Variants in REDIC1 observed in about 807,000 individuals in gnomAD.
REDIC1 encodes HEI10 Interacting Protein 1.
At chr12:39,653,484 A>G in the REDIC1 span, among the ~76,000 whole-genome samples, 1 of 100,106 alleles carries the variant, frequency 1.0e-5, no homozygotes, top group South Asian at 3.3e-4. Flanking sequence ...TCTCTTTTCA[A>G]TCTGGATGTC....
the REDIC1 span, among the ~76,000 whole-genome samples, chr12:39,837,663 A>G: frequency 3.3e-5 from 5 of 151,766 alleles, no homozygotes; most frequent in East Asian, 1.9e-4. Context: ...AAACAACCCC[A>G]TCAAAAAGTG....
At chr12:39,659,372 A>G in the REDIC1 span, among the ~76,000 whole-genome samples, 7 of 151,940 alleles carry the variant, frequency 4.6e-5, no homozygotes, top group African/African-American at 1.4e-4. Flanking sequence ...ATTTCTTCAA[A>G]TATTTTTTCT....
the REDIC1 span, among the ~76,000 whole-genome samples, chr12:39,735,922 G>A: frequency 6.6e-6 from 1 of 152,190 alleles, no homozygotes; most frequent in Non-Finnish European, 1.5e-5. Flanking sequence ...TGATTCATAG[G>A]AGACCCACAA....
chr12:39,654,727 G>T, the REDIC1 span, among the ~76,000 whole-genome samples: 3 of 147,768 alleles, frequency 2.0e-5, no homozygotes, highest in African/African-American at 7.5e-5. Context: ...TGATTGTTCG[G>T]CTTTGGTATC....
At chr12:39,901,163 C>G in the REDIC1 span, among the ~76,000 whole-genome samples, 150,712 of 152,174 alleles carry the variant, frequency 0.99, 74,653 homozygotes, top group Middle Eastern at 1. Flanking sequence ...TGGATCCCTT[C>G]CTTACACCTT....
the REDIC1 span, among the ~76,000 whole-genome samples, chr12:39,679,128 T>C: frequency 6.6e-6 from 1 of 152,094 alleles, no homozygotes; most frequent in African/African-American, 2.4e-5. Flanking sequence ...ACCACTTCTA[T>C]TGTACGTAGT....
chr12:39,681,274 C>G, the REDIC1 span, among the ~76,000 whole-genome samples: 3,074 of 152,088 alleles, frequency 0.02, 41 homozygotes, highest in South Asian at 0.029. Flanking sequence ...CTCCATCTCC[C>G]ACACACACAA....
At chr12:39,703,679 A>G in the REDIC1 span, among the ~76,000 whole-genome samples, 6 of 152,212 alleles carry the variant, frequency 3.9e-5, no homozygotes, top group South Asian at 2.1e-4. Flanking sequence ...ACTTCAAACT[A>G]TACTACAAGG....
At chr12:39,721,439 T>C in the REDIC1 span, 9 of 546,822 alleles carry the variant, frequency 1.6e-5, no homozygotes, top group Non-Finnish European at 2.9e-5. Context: ...GTATTTAATT[T>C]GTATATAGCC....
chr12:39,887,272 TTTAG>T, the REDIC1 span, among the ~76,000 whole-genome samples: 1 of 152,288 alleles, frequency 6.6e-6, no homozygotes, highest in Non-Finnish European at 1.5e-5. Flanking sequence ...CATACAAATA[TTTAG>T]TTAGACACCT....
the REDIC1 span, among the ~76,000 whole-genome samples, chr12:39,846,737 C>G: frequency 6.6e-6 from 1 of 152,298 alleles, no homozygotes; most frequent in East Asian, 1.9e-4. Context: ...TAGGCATGAG[C>G]CACAATGCCC....
the REDIC1 span, among the ~76,000 whole-genome samples, chr12:39,834,440 C>A: frequency 6.6e-6 from 1 of 152,134 alleles, no homozygotes; most frequent in South Asian, 2.1e-4. Flanking sequence ...TAACCAGGAC[C>A]AACACCAAGT....
chr12:39,894,862 G>T, the REDIC1 span, among the ~76,000 whole-genome samples: 2 of 151,890 alleles, frequency 1.3e-5, no homozygotes, highest in African/African-American at 4.8e-5. Flanking sequence ...AAAAAAGGGA[G>T]AAAAGAAAAA....
the REDIC1 span, among the ~76,000 whole-genome samples, chr12:39,701,094 T>C: frequency 6.2e-5 from 4 of 64,458 alleles, no homozygotes; most frequent in East Asian, 3.3e-4. Context: ...CAATATTAAC[T>C]TTAAATGTAA....
the REDIC1 span, among the ~76,000 whole-genome samples, chr12:39,725,133 A>C: frequency 6.6e-6 from 1 of 152,178 alleles, no homozygotes. Flanking sequence ...GAAAAAGACT[A>C]CATTCTTAGA....
the REDIC1 span, among the ~76,000 whole-genome samples, chr12:39,660,803 C>G: frequency 6.6e-6 from 1 of 152,042 alleles, no homozygotes; most frequent in Non-Finnish European, 1.5e-5. Flanking sequence ...TTCACAGCCC[C>G]TCCCTTCCCT....
the REDIC1 span, among the ~76,000 whole-genome samples, chr12:39,820,368 T>A: frequency 3.9e-5 from 6 of 152,226 alleles, no homozygotes; most frequent in African/African-American, 7.2e-5. Flanking sequence ...TGGCACTGTT[T>A]TCAAACTGTA....
At chr12:39,746,783 T>C in the REDIC1 span, among the ~76,000 whole-genome samples, 1 of 152,258 alleles carries the variant, frequency 6.6e-6, no homozygotes, top group East Asian at 1.9e-4. Flanking sequence ...TTCGCTGTTA[T>C]GCAGCCTCCG....
the REDIC1 span, among the ~76,000 whole-genome samples, chr12:39,842,804 G>A: frequency 5.9e-5 from 9 of 151,776 alleles, no homozygotes; most frequent in African/African-American, 1.9e-4. Context: ...TGGCAACCAC[G>A]AATCTACTCT....
Sources: allele counts gnomAD v4.1 joint callset (sites outside exome capture counted in the v4.1 genomes callset), GRCh38; gene constraint gnomAD v4.1.1; transcripts MANE v1.5; gene names NCBI Gene and HGNC (gene_info 2026-07-23, HGNC 2026-07-21).